Variants in PALLD observed in about 807,000 individuals in gnomAD.
The protein encoded by PALLD is palladin.
Under a neutral mutation model 123.5 loss-of-function variants are expected in PALLD, and 61 were observed. The observed-to-expected ratio is 0.49, with a 90% confidence interval of 0.40 to 0.61. The LOEUF (loss-of-function observed/expected upper bound fraction) is 0.61. Among genes scored for constraint, PALLD ranks in the 20% least tolerant of loss-of-function variants. The probability of loss-of-function intolerance (pLI) is 0.00; values close to 1 mark genes in which losing one functional copy is unlikely to be tolerated. For missense variants in PALLD, 1,273 were observed against 1,377.0 expected (o/e 0.92, Z 1.20); for synonymous variants, 465 against 496.4 (o/e 0.94, Z 0.84).
chr4:168,639,993 T>A (rs989214675), intron 2 of PALLD, among the ~76,000 whole-genome samples: 5 of 152,228 alleles, frequency 3.3e-5, no homozygotes, highest in African/African-American at 1.2e-4. Flanking sequence ...TCTGTTGAAC[T>A]ATATCCAAGT....
intron 2 of PALLD, among the ~76,000 whole-genome samples, chr4:168,591,063 G>A (rs1424854457): frequency 1.3e-5 from 2 of 151,930 alleles, no homozygotes; most frequent in Admixed American, 6.6e-5. Context: ...ACTTTTAGTA[G>A]AGACAGAGTT....
intron 2 of PALLD, among the ~76,000 whole-genome samples, chr4:168,600,153 T>C (rs1206497528): frequency 6.7e-6 from 1 of 149,296 alleles, no homozygotes; most frequent in Non-Finnish European, 1.5e-5. Flanking sequence ...ATATACACTA[T>C]ATAAACTGTG....
intron 10 of PALLD, among the ~76,000 whole-genome samples, chr4:168,767,245 A>T (rs1235606343): frequency 6.6e-6 from 1 of 152,164 alleles, no homozygotes. Context: ...CTCCATCGTC[A>T]TCTCATGCCA....
At chr4:168,699,429 T>A (rs1023840878) in intron 8 of PALLD, among the ~76,000 whole-genome samples, 1 of 152,044 alleles carries the variant, frequency 6.6e-6, no homozygotes, top group South Asian at 2.1e-4. Flanking sequence ...CTGGATTTCA[T>A]CTTGTTGATT....
At chr4:168,827,279 C>G (rs1743547164) in intron 10 of PALLD, among the ~76,000 whole-genome samples, 1 of 152,192 alleles carries the variant, frequency 6.6e-6, no homozygotes, top group Non-Finnish European at 1.5e-5. Flanking sequence ...GAGGGGTGCC[C>G]TTTCCCTCCT....
intron 10 of PALLD, among the ~76,000 whole-genome samples, chr4:168,814,203 G>A (rs533076115): frequency 9.1e-4 from 139 of 152,226 alleles, no homozygotes; most frequent in Admixed American, 1.4e-3. Context: ...GGCTGAATTT[G>A]GAAATTATCA....
intron 10 of PALLD, among the ~76,000 whole-genome samples, chr4:168,754,417 C>G (rs914136185): frequency 3.3e-5 from 5 of 152,202 alleles, no homozygotes; most frequent in Non-Finnish European, 1.5e-5. Flanking sequence ...GATGTGGATG[C>G]AAGTTCCTCA....
chr4:168,618,450 C>G (rs1774435802), intron 2 of PALLD, among the ~76,000 whole-genome samples: 1 of 152,158 alleles, frequency 6.6e-6, no homozygotes, highest in Non-Finnish European at 1.5e-5. Context: ...CGATCATCTC[C>G]AGTTGCTGAC....
chr4:168,719,552 G>A (rs1009465510), intron 10 of PALLD, among the ~76,000 whole-genome samples: 7 of 152,128 alleles, frequency 4.6e-5, no homozygotes, highest in African/African-American at 1.7e-4. Flanking sequence ...GAGCCACCAT[G>A]CCCAGCCAAA....
At chr4:168,917,926 C>T (rs1760539144) in intron 17 of PALLD, among the ~76,000 whole-genome samples, 1 of 152,050 alleles carries the variant, frequency 6.6e-6, no homozygotes, top group Non-Finnish European at 1.5e-5. Flanking sequence ...AGAGGCTGGG[C>T]ACAGTGGCAC....
At chr4:168,614,492 T>C (rs1195782444) in intron 2 of PALLD, among the ~76,000 whole-genome samples, 1 of 152,164 alleles carries the variant, frequency 6.6e-6, no homozygotes, top group Non-Finnish European at 1.5e-5. Flanking sequence ...CTTTCTCCAA[T>C]TTGAAAAACC....
intron 2 of PALLD, among the ~76,000 whole-genome samples, chr4:168,663,825 A>G (rs570897065): frequency 1.3e-5 from 2 of 152,286 alleles, no homozygotes; most frequent in South Asian, 2.1e-4. Flanking sequence ...AATTTCCCCA[A>G]CTAGAAATCA....
intron 2 of PALLD, among the ~76,000 whole-genome samples, chr4:168,529,504 C>T (rs1423616735): frequency 6.6e-6 from 1 of 152,160 alleles, no homozygotes; most frequent in Non-Finnish European, 1.5e-5. Flanking sequence ...AACTGCATTA[C>T]CACATGACGA....
chr4:168,916,097 C>A (rs1760025458), intron 17 of PALLD, 70 bp downstream of exon 17: 1 of 1,417,090 alleles, frequency 7.1e-7, no homozygotes. Context: ...CTCTATAGTT[C>A]CTTTTGGGGA....
intron 1 of PALLD, among the ~76,000 whole-genome samples, chr4:168,501,808 C>G (rs1291992596): frequency 6.6e-6 from 1 of 152,142 alleles, no homozygotes; most frequent in East Asian, 1.9e-4. Flanking sequence ...GGTGTGCCCC[C>G]CAAAACAACA....
chr4:168,906,020 G>T (rs1351457779), intron 15 of PALLD, among the ~76,000 whole-genome samples: 12 of 151,820 alleles, frequency 7.9e-5, no homozygotes, highest in African/African-American at 2.9e-4. Context: ...TATATTTTCA[G>T]TGCATTTCCT....
At chr4:168,526,869 T>G (rs537522768) in intron 2 of PALLD, among the ~76,000 whole-genome samples, 1 of 152,092 alleles carries the variant, frequency 6.6e-6, no homozygotes, top group South Asian at 2.1e-4. Context: ...AAAGGGAATC[T>G]GAAAGAGACA....
rs116811586 is a variant in PALLD at position 168,730,557 on chromosome 4, G to A, written c.1964+18634G>A. 4.8e-3 allele frequency among the ~76,000 whole-genome samples: 730 copies of A among 152,134 alleles called. 3 individuals carry two copies. Among genetic ancestry groups the A allele is most frequent in the Non-Finnish European group, 8.0e-3 (541 of 67,994 alleles). ...GAGGCTTTCCATAAACATGGAAAGCGTGATCTTTGGCACCAGCAAGTTGAT... is the reference window on the plus strand; with the variant it reads ...GAGGCTTTCCATAAACATGGAAAGCATGATCTTTGGCACCAGCAAGTTGAT... On this transcript the variant is annotated intron_variant, in intron 10 of 21. Transcript: ENST00000505667.
intron 10 of PALLD, among the ~76,000 whole-genome samples, chr4:168,820,643 C>G (rs1340024285): frequency 6.6e-6 from 1 of 152,018 alleles, no homozygotes; most frequent in African/African-American, 2.4e-5. Flanking sequence ...TGCATTACTT[C>G]AGTAGGTGTT....
Sources: allele counts gnomAD v4.1 joint callset (sites outside exome capture counted in the v4.1 genomes callset), GRCh38; gene constraint gnomAD v4.1.1; transcripts MANE v1.5; gene names NCBI Gene and HGNC (gene_info 2026-07-23, HGNC 2026-07-21).